Variants in GRID1 observed in about 807,000 individuals in gnomAD.
GRID1 encodes glutamate ionotropic receptor delta type subunit 1.
Under a neutral mutation model 98.0 loss-of-function variants are expected in GRID1, and 28 were observed. The observed-to-expected ratio is 0.29, with a 90% confidence interval of 0.21 to 0.39. The LOEUF is 0.39. GRID1 is among the 10% of genes least tolerant of loss of function. The pLI is 1.00. For synonymous variants in GRID1, 553 were observed against 538.5 expected (o/e 1.03, Z -0.37); for missense variants, 1,111 against 1,340.5 (o/e 0.83, Z 2.67).
chr10:85,777,545 C>A (rs1386997022), intron 8 of GRID1, among the ~76,000 whole-genome samples: 1 of 152,200 alleles, frequency 6.6e-6, no homozygotes, highest in Non-Finnish European at 1.5e-5. Context: ...ACTGGAGACC[C>A]ATGTCATATT....
chr10:86,361,569 C>G (rs1848601076), intron 2 of GRID1, among the ~76,000 whole-genome samples: 1 of 152,164 alleles, frequency 6.6e-6, no homozygotes, highest in Non-Finnish European at 1.5e-5. Flanking sequence ...ACAGAGAAAC[C>G]AAGACCCAGA....
chr10:85,762,485 C>T (rs1842156484), intron 8 of GRID1, among the ~76,000 whole-genome samples: 1 of 149,826 alleles, frequency 6.7e-6, no homozygotes, highest in Non-Finnish European at 1.5e-5. Context: ...CTGGGGGTGC[C>T]AGCTGGGATG....
At chr10:85,712,084 T>C (rs1241281871) in intron 12 of GRID1, among the ~76,000 whole-genome samples, 3 of 151,690 alleles carry the variant, frequency 2.0e-5, no homozygotes, top group Non-Finnish European at 4.4e-5. Flanking sequence ...AAGAAGGCAG[T>C]AACAGAAAAC....
intron 4 of GRID1, among the ~76,000 whole-genome samples, chr10:85,952,191 A>G (rs1842134079): frequency 6.6e-6 from 1 of 152,248 alleles, no homozygotes; most frequent in Non-Finnish European, 1.5e-5. Flanking sequence ...AAGAATAAAG[A>G]CACAACAGAG....
chr10:86,241,050 G>A (rs1589423213), intron 2 of GRID1, among the ~76,000 whole-genome samples: 4 of 152,346 alleles, frequency 2.6e-5, no homozygotes, highest in Admixed American at 2.6e-4. Flanking sequence ...CTAAAGTCTA[G>A]GCAACAGGGT....
intron 4 of GRID1, among the ~76,000 whole-genome samples, chr10:86,078,992 C>CTGG (rs1462086948): frequency 1.3e-5 from 2 of 152,330 alleles, no homozygotes; most frequent in East Asian, 3.9e-4. Flanking sequence ...GAGACCTCCT[C>CTGG]TGGCTGGGAC....
At chr10:85,831,936 AAAAT>A (rs1307637442) in intron 8 of GRID1, among the ~76,000 whole-genome samples, 8 of 152,104 alleles carry the variant, frequency 5.3e-5, no homozygotes, top group Non-Finnish European at 4.4e-5. Flanking sequence ...ATTGGAAAAT[AAAAT>A]AAATAAGAAC....
At chr10:86,356,196 G>T (rs1402448202) in intron 2 of GRID1, among the ~76,000 whole-genome samples, 4 of 152,208 alleles carry the variant, frequency 2.6e-5, no homozygotes, top group Admixed American at 6.5e-5. Flanking sequence ...GGGCTGCCCA[G>T]AGGTCTGCAG....
intron 8 of GRID1, among the ~76,000 whole-genome samples, chr10:85,787,303 G>A (rs1195059191): frequency 2.0e-5 from 3 of 152,102 alleles, no homozygotes; most frequent in Non-Finnish European, 4.4e-5. Context: ...TCATTGCCTG[G>A]ATCTGAACAC....
At chr10:86,338,165 C>T (rs1188918453) in intron 2 of GRID1, among the ~76,000 whole-genome samples, 3 of 152,126 alleles carry the variant, frequency 2.0e-5, no homozygotes, top group Non-Finnish European at 2.9e-5. Flanking sequence ...CCTGGTAACA[C>T]TCATTGGTTC....
At chr10:85,930,528 T>C (rs1301772140) in intron 4 of GRID1, among the ~76,000 whole-genome samples, 1 of 152,100 alleles carries the variant, frequency 6.6e-6, no homozygotes, top group Non-Finnish European at 1.5e-5. Context: ...CCAGTTGGTC[T>C]CCAGTTGGAT....
chr10:86,129,480 T>C (rs1460831966), intron 4 of GRID1, among the ~76,000 whole-genome samples: 1 of 152,190 alleles, frequency 6.6e-6, no homozygotes, highest in Non-Finnish European at 1.5e-5. Context: ...CCCCACAGGC[T>C]CAAAGCTCCA....
At chr10:85,805,448 A>G (rs1033237776) in intron 8 of GRID1, among the ~76,000 whole-genome samples, 1 of 151,634 alleles carries the variant, frequency 6.6e-6, no homozygotes, top group South Asian at 2.1e-4. Flanking sequence ...AGATTTAACA[A>G]TCCCCCCCAA....
intron 2 of GRID1, among the ~76,000 whole-genome samples, chr10:86,287,248 C>T (rs756674814): frequency 6.6e-6 from 1 of 152,122 alleles, no homozygotes; most frequent in Non-Finnish European, 1.5e-5. Flanking sequence ...ACTGCAGTCC[C>T]CAAATTCCCC....
chr10:86,210,313 C>A (rs1846090409), intron 2 of GRID1, among the ~76,000 whole-genome samples: 2 of 152,318 alleles, frequency 1.3e-5, no homozygotes, highest in South Asian at 4.1e-4. Flanking sequence ...CTCAAGCATT[C>A]ATTCACCCAA....
chr10:85,754,855 T>G (rs940176310), intron 8 of GRID1, among the ~76,000 whole-genome samples: 2 of 152,228 alleles, frequency 1.3e-5, no homozygotes, highest in African/African-American at 4.8e-5. Flanking sequence ...ATGGAATTAA[T>G]GCCTACCTAC....
Position 85,724,673 on chromosome 10 carries a change from C to A in GRID1, c.1537G>T (p.Ala513Ser). 6.2e-7 allele frequency: 1 copy of A among 1,606,728 alleles called. No homozygotes were observed. The change falls in exon 11 of 16, where the codon GCA becomes TCA. Residue 513 changes from alanine (A) to serine (S), a missense_variant. Physicochemically the swap from Ala to Ser is moderately conservative, Grantham distance 99. Coordinates refer to ENST00000327946, the MANE Select transcript of GRID1 (RefSeq NM_017551.3). ...GMIGELISKRADLAISAITIT... is the reference protein window; with the variant it reads ...GMIGELISKRSDLAISAITIT... ...GTGATGGCAGAGATGGCCAAGTCTG[C>A]TCTCTGAAAGGCAAAGCCATCTCAT...
At chr10:86,095,672 C>T (rs1844210906) in intron 4 of GRID1, among the ~76,000 whole-genome samples, 1 of 152,178 alleles carries the variant, frequency 6.6e-6, no homozygotes, top group Non-Finnish European at 1.5e-5. Context: ...CCACCTTACT[C>T]CTGCAAGAAT....
intron 8 of GRID1, among the ~76,000 whole-genome samples, chr10:85,731,887 G>A (rs117392581): frequency 0.031 from 4,681 of 148,724 alleles, 119 homozygotes; most frequent in Middle Eastern, 0.048. Context: ...AAGAAAGGGA[G>A]GTAGGGAGGG....
Sources: gnomAD v4.1 joint callset for allele counts (sites outside exome capture counted in the v4.1 genomes callset) on GRCh38, gnomAD v4.1.1 for gene constraint, MANE v1.5 for transcripts, NCBI Gene and HGNC (gene_info 2026-07-23, HGNC 2026-07-21) for gene names.